The following CHRNA1 variants were observed in gnomAD, a reference collection of about 807,000 sequenced individuals.
CHRNA1 encodes cholinergic receptor nicotinic alpha 1 subunit, also known as acetylcholine receptor subunit alpha.
In CHRNA1, 35 loss-of-function variants were observed where a neutral mutation model predicts 47.1. The ratio of observed to expected loss-of-function variants is 0.74; its 90% confidence interval spans 0.57 to 0.99. The LOEUF is 0.99. CHRNA1 is among the 50% of genes least tolerant of loss of function. CHRNA1 has a pLI of 0.00. For missense variants in CHRNA1, 506 were observed against 591.1 expected (o/e 0.86, Z 1.49); for synonymous variants, 229 against 223.6 (o/e 1.02, Z -0.22).
intron 6 of CHRNA1, chr2:174,752,810 G>T (rs1683883865): frequency 6.6e-6 from 1 of 151,532 alleles, no homozygotes; most frequent in East Asian, 1.9e-4. Flanking sequence ...TAAGCTTGAG[G>T]TCTGTCTGTA....
At chr2:174,763,406 T>C (rs1432585142) in intron 1 of CHRNA1, among the ~76,000 whole-genome samples, 1 of 152,054 alleles carries the variant, frequency 6.6e-6, no homozygotes, top group East Asian at 1.9e-4. Flanking sequence ...ATGATATAAT[T>C]TATCTGAGTT....
chr2:174,748,211 T>A lies in CHRNA1; in HGVS notation c.1287A>T (p.Ile429=). Residue 429 remains isoleucine, a synonymous_variant, in exon 9 of 9, where the codon ATA becomes ATT. Coordinates refer to ENST00000348749, the MANE Select transcript of CHRNA1 (RefSeq NM_000079.4). ...WKYVAMVMDH[I]LLGVFMLVCI... is the part of the protein sequence containing the mutation. ...AAACAAGCATGAAGACTCCGAGGAG[T>A]ATGTGGTCCATCACCATTGCAACGT... 1.2e-6 allele frequency: 2 copies of A among 1,613,880 alleles called. No homozygotes were observed. Among genetic ancestry groups the A allele is most frequent in the Non-Finnish European group, 1.7e-6 (2 of 1,179,976 alleles).
chr2:174,759,194 A>C, intron 3 of CHRNA1, 137 bp downstream of exon 3: 1 of 1,027,822 alleles, frequency 9.7e-7, no homozygotes, highest in Non-Finnish European at 1.5e-6. Flanking sequence ...AACAGGATCC[A>C]TGCTTTCACC....
chr2:174,752,398 C>T (rs753246769), intron 6 of CHRNA1, among the ~76,000 whole-genome samples: 1 of 152,046 alleles, frequency 6.6e-6, no homozygotes, highest in Non-Finnish European at 1.5e-5. Flanking sequence ...GGTGCAACCC[C>T]GTTTCTACAA....
chr2:174,759,765 G>T, intron 1 of CHRNA1, 132 bp from the exon 2 acceptor site: 1 of 1,185,154 alleles, frequency 8.4e-7, no homozygotes, highest in Non-Finnish European at 1.2e-6. Flanking sequence ...CCTCCTTGTT[G>T]AAAGGCTCCC....
Position 174,750,128 on chromosome 2 carries a change from T to A in CHRNA1, c.820A>T (p.Thr274Ser), listed in dbSNP as rs1683819027. 1 of 1,610,772 alleles carries A rather than the reference T, an allele frequency of 6.2e-7. No homozygotes were observed. Among genetic ancestry groups the A allele is most frequent in the East Asian group, 2.2e-5 (1 of 44,772 alleles). ...TCCACGATGACCAGAAGGAACACAG[T>A]CAAAGACAGTAAGACAGAGATGCTC... is the stretch of plus-strand genomic sequence containing the variant. ...TLSISVLLSL[T>S]VFLLVIVELI... Residue 274 changes from threonine to serine, a missense_variant, in exon 7 of 9, where the codon ACT (threonine) becomes TCT (serine). Thr to Ser is a moderately conservative substitution (Grantham distance 58). Coordinates refer to ENST00000348749, the MANE Select transcript of CHRNA1 (RefSeq NM_000079.4).
In CHRNA1 at chr2:174,754,387, C is replaced by T. The variant is rs143047599; in HGVS notation, c.372G>A (p.Lys124=). The T allele has an allele frequency of 1.2e-5, 20 of 1,614,078 alleles. No individual in the cohort carries two copies. In the African/African-American group the frequency reaches 2.4e-4, roughly 19 times the overall value. Residue 124 remains lysine (K), a synonymous_variant, in exon 5 of 9, where the codon AAG becomes AAA. Coordinates refer to ENST00000348749, the MANE Select transcript of CHRNA1 (RefSeq NM_000079.4). ...TGTACTGCAGGAGCACTTTGGTGAA[C>T]TTGACAATAGCAAAGTCACCATCTG... ...NNADGDFAIV[K]FTKVLLQYTG...
At position 174,753,536 on chromosome 2, in the gene CHRNA1, T is replaced by G. The variant is rs1683900619; in HGVS notation, c.745A>C (p.Thr249Pro). 1.2e-6 allele frequency: 2 copies of G among 1,614,034 alleles called. No individual in the cohort carries two copies. Among genetic ancestry groups the G allele is most frequent in the South Asian group, 1.1e-5 (1 of 91,076 alleles). Residue 249 changes from threonine (T) to proline (P), a missense_variant, in exon 6 of 9, where the codon ACT becomes CCT. Transcript: ENST00000348749. ...GTGGGCAGGTAGAATACCAGGCCAGTTAAGAAGGAGAAGAGCAGGCAGGGG... is the reference window on the plus strand; with the variant it reads ...GTGGGCAGGTAGAATACCAGGCCAGGTAAGAAGGAGAAGAGCAGGCAGGGG... Reference protein sequence around the residue: ...IIPCLLFSFLTGLVFYLPTDS... With the variant: ...IIPCLLFSFLPGLVFYLPTDS...
intron 8 of CHRNA1, 138 bp downstream of exon 8, chr2:174,748,442 G>A (rs1683778136): frequency 1.3e-5 from 18 of 1,389,096 alleles, no homozygotes; most frequent in Non-Finnish European, 1.6e-5. Flanking sequence ...AGGTGGTCTA[G>A]AGGCGGTCAC....
chr2:174,753,187 G>A, intron 6 of CHRNA1: 2 of 589,928 alleles, frequency 3.4e-6, no homozygotes, highest in East Asian at 2.9e-5. Flanking sequence ...GCCTTACCCA[G>A]TACACTTCTG....
chr2:174,757,963 A>C (rs773262937), intron 3 of CHRNA1: 3 of 1,582,124 alleles, frequency 1.9e-6, no homozygotes, highest in Non-Finnish European at 2.6e-6. Flanking sequence ...TGCAGATGAG[A>C]AAACAAAGGA....
At chr2:174,757,472 G>T in intron 4 of CHRNA1, 94 bp downstream of exon 4, 1 of 879,472 alleles carries the variant, frequency 1.1e-6, no homozygotes, top group South Asian at 1.4e-5. Context: ...CATTAGCAGT[G>T]GTGAGAAGCA....
rs754632896 is a variant in CHRNA1 at position 174,748,213 on chromosome 2, T to C, written c.1285A>G (p.Ile429Val). Residue 429 changes from isoleucine to valine, a missense_variant, in exon 9 of 9, where the codon ATA (isoleucine) becomes GTA (valine). Ile to Val is a conservative substitution (Grantham distance 29). Transcript: ENST00000348749. ...WKYVAMVMDH[I>V]LLGVFMLVCI... ...ACAAGCATGAAGACTCCGAGGAGTATGTGGTCCATCACCATTGCAACGTAC... is the reference window on the plus strand; with the variant it reads ...ACAAGCATGAAGACTCCGAGGAGTACGTGGTCCATCACCATTGCAACGTAC... The C allele has an allele frequency of 1.2e-6, 2 of 1,614,140 alleles. No individual in the cohort carries two copies. Among genetic ancestry groups the C allele is most frequent in the South Asian group, 1.1e-5 (1 of 91,076 alleles).
Position 174,748,225 on chromosome 2 carries a change from C to T in CHRNA1, c.1273G>A (p.Val425Met). 6.2e-7 allele frequency: 1 copy of T among 1,614,126 alleles called. No homozygotes were observed. Among genetic ancestry groups the T allele is most frequent in the African/African-American group, 1.3e-5 (1 of 75,006 alleles). ...ACTCCGAGGAGTATGTGGTCCATCA[C>T]CATTGCAACGTACTTCCACTCTGCC... ...AAAEWKYVAM[V>M]MDHILLGVFM... The change falls in exon 9 of 9, where the codon GTG (valine) becomes ATG (methionine). Residue 425 changes from valine (V) to methionine (M), a missense_variant. Val to Met is a conservative substitution (Grantham distance 21, BLOSUM62 1). Coordinates refer to ENST00000348749, the MANE Select transcript of CHRNA1 (RefSeq NM_000079.4).
chr2:174,758,103 A>G (rs1684019449), intron 3 of CHRNA1: 1 of 1,596,602 alleles, frequency 6.3e-7, no homozygotes, highest in Middle Eastern at 1.7e-4. Context: ...AGTACCATAT[A>G]TTTTTCTACA....
chr2:174,750,456 C>A (rs1455791339), intron 6 of CHRNA1, among the ~76,000 whole-genome samples: 2 of 152,150 alleles, frequency 1.3e-5, no homozygotes, highest in East Asian at 3.9e-4. Context: ...CATTACAAAC[C>A]GAGAGAGGCC....
At chr2:174,759,768 A>C in intron 1 of CHRNA1, 135 bp from the exon 2 acceptor site, 1 of 1,163,804 alleles carries the variant, frequency 8.6e-7, no homozygotes, top group Non-Finnish European at 1.2e-6. Flanking sequence ...CCTTGTTGAA[A>C]GGCTCCCAAA....
intron 1 of CHRNA1, among the ~76,000 whole-genome samples, chr2:174,763,508 T>C (rs746634836): frequency 2.0e-5 from 3 of 152,204 alleles, no homozygotes; most frequent in Non-Finnish European, 2.9e-5. Context: ...CAGAGCAATA[T>C]TGGAAATGAA....
chr2:174,753,002 A>G (rs985896985), intron 6 of CHRNA1: 6 of 223,850 alleles, frequency 2.7e-5, no homozygotes, highest in African/African-American at 8.8e-5. Context: ...GTGAGAAAGA[A>G]CAGCCACTTG....
Sources: allele counts gnomAD v4.1 joint callset (sites outside exome capture counted in the v4.1 genomes callset), GRCh38; gene constraint gnomAD v4.1.1; transcripts MANE v1.5; gene names NCBI Gene and HGNC (gene_info 2026-07-23, HGNC 2026-07-21).